The following COL5A2 variants were observed in gnomAD, a reference collection of about 807,000 sequenced individuals.
The protein encoded by COL5A2 is collagen type V alpha 2 chain, also known as collagen alpha-2(V) chain.
In COL5A2, 23 loss-of-function variants were observed where a neutral mutation model predicts 208.2. The ratio of observed to expected loss-of-function variants is 0.11; its 90% CI spans 0.08 to 0.16. The LOEUF (loss-of-function observed/expected upper bound fraction) is 0.16, where lower values mean the gene tolerates loss of function less well. COL5A2 is among the 10% of genes least tolerant of loss of function. COL5A2 has a pLI of 1.00. For missense variants in COL5A2, 1,590 were observed against 1,956.4 expected, an observed-to-expected ratio of 0.81 and a Z score of 3.53; for synonymous variants, 625 against 628.5, an observed-to-expected ratio of 0.99 and a Z score of 0.08.
the COL5A2 span, among the ~76,000 whole-genome samples, chr2:189,434,051 C>A: frequency 6.6e-6 from 1 of 152,134 alleles, no homozygotes; most frequent in Non-Finnish European, 1.5e-5. Flanking sequence ...TAAACTTAAT[C>A]CATCACATAA....
the COL5A2 span, among the ~76,000 whole-genome samples, chr2:189,355,830 T>C: frequency 6.6e-6 from 1 of 152,234 alleles, no homozygotes; most frequent in African/African-American, 2.4e-5. Context: ...TGATGCTAGC[T>C]GGTTACTTTG....
At chr2:189,431,776 G>C in the COL5A2 span, among the ~76,000 whole-genome samples, 1 of 152,176 alleles carries the variant, frequency 6.6e-6, no homozygotes, top group African/African-American at 2.4e-5. Flanking sequence ...GCACTCTTCA[G>C]GATATTATCC....
chr2:189,035,171 G>C lies in COL5A2; in HGVS notation c.4114-16C>G. ...CATAAGCGAACTAGAAAAACAAAGA[G>C]TCTTTGTCATACACAAGACTGAAGG... On this transcript the variant is annotated splice_polypyrimidine_tract_variant and intron_variant, in intron 52 of 53. Transcript: ENST00000374866. 4 of 1,613,680 alleles carry C rather than the reference G, an allele frequency of 2.5e-6. No individual in the cohort carries two copies. The South Asian group carries it at 4.4e-5, about 18-fold the overall frequency.
intron 35 of COL5A2, among the ~76,000 whole-genome samples, chr2:189,056,496 C>T (rs945168352): frequency 1.3e-5 from 2 of 152,116 alleles, no homozygotes; most frequent in African/African-American, 4.8e-5. Context: ...GGACATTCTG[C>T]TTGTTCAAAC....
At chr2:189,322,513 G>C in the COL5A2 span, among the ~76,000 whole-genome samples, 1 of 152,180 alleles carries the variant, frequency 6.6e-6, no homozygotes, top group East Asian at 1.9e-4. Flanking sequence ...CGATCCCACA[G>C]AAATACAAAC....
Position 189,056,970 on chromosome 2 carries a change from T to C in COL5A2, c.2391+3A>G. On this transcript the variant is annotated splice_donor_region_variant and intron_variant, in intron 35 of 53. Transcript: ENST00000374866. ...CAGCTAGAAAAGGAATACTTTCACT[T>C]ACTCTTGCACCATCATTTCCAGCTG... 1 of 1,613,944 alleles carries C rather than the reference T, an allele frequency of 6.2e-7. No homozygotes were observed. Among genetic ancestry groups the C allele is most frequent in the Non-Finnish European group, 8.5e-7 (1 of 1,179,872 alleles).
At chr2:189,130,921 A>G (rs951427219) in intron 1 of COL5A2, among the ~76,000 whole-genome samples, 1 of 152,146 alleles carries the variant, frequency 6.6e-6, no homozygotes, top group Admixed American at 6.5e-5. Flanking sequence ...AACAGACAGA[A>G]AAGATTTAGT....
At chr2:189,244,777 G>A in the COL5A2 span, among the ~76,000 whole-genome samples, 331 of 152,156 alleles carry the variant, frequency 2.2e-3, 1 homozygote, top group African/African-American at 7.2e-3. Context: ...TTTCAGCAGC[G>A]CACCACTCTA....
the COL5A2 span, among the ~76,000 whole-genome samples, chr2:189,244,511 C>T: frequency 4.6e-5 from 7 of 152,184 alleles, no homozygotes; most frequent in African/African-American, 1.7e-4. Context: ...TCTGAGACCA[C>T]CTCAGCCTGG....
At chr2:189,187,692 C>G (rs572978551) in intron 1 of COL5A2, among the ~76,000 whole-genome samples, 1 of 152,058 alleles carries the variant, frequency 6.6e-6, no homozygotes, top group Non-Finnish European at 1.5e-5. Flanking sequence ...TACTATTGGC[C>G]GGGCGCGGTG....
At chr2:189,167,921 C>CT (rs1423336328) in intron 1 of COL5A2, among the ~76,000 whole-genome samples, 2 of 150,388 alleles carry the variant, frequency 1.3e-5, no homozygotes, top group African/African-American at 4.9e-5. Context: ...CCTCAAGTCT[C>CT]TTTTTTCCCA....
the COL5A2 span, among the ~76,000 whole-genome samples, chr2:189,408,097 A>AG: frequency 6.6e-6 from 1 of 152,192 alleles, no homozygotes; most frequent in East Asian, 1.9e-4. Flanking sequence ...TGATTTACAG[A>AG]TCAAAATGAA....
At chr2:189,240,085 T>C in the COL5A2 span, among the ~76,000 whole-genome samples, 1 of 152,184 alleles carries the variant, frequency 6.6e-6, no homozygotes, top group East Asian at 1.9e-4. Context: ...GTCAAGTTAA[T>C]GATATACGTG....
intron 12 of COL5A2, among the ~76,000 whole-genome samples, chr2:189,081,567 C>T (rs1009598263): frequency 6.6e-6 from 1 of 151,920 alleles, no homozygotes; most frequent in South Asian, 2.1e-4. Context: ...ATGGGAAGAA[C>T]AGTATTATAA....
At chr2:189,321,877 C>T in the COL5A2 span, among the ~76,000 whole-genome samples, 1 of 152,328 alleles carries the variant, frequency 6.6e-6, no homozygotes, top group East Asian at 1.9e-4. Context: ...AATATACATT[C>T]TTCTCAGCAC....
chr2:189,066,661 A>T, intron 22 of COL5A2, 68 bp downstream of exon 22: 1 of 1,378,496 alleles, frequency 7.3e-7, no homozygotes, highest in Non-Finnish European at 1.0e-6. Context: ...TAAACCCTTG[A>T]GCATTTTGAG....
the COL5A2 span, among the ~76,000 whole-genome samples, chr2:189,340,151 G>T: frequency 6.6e-6 from 1 of 152,244 alleles, no homozygotes; most frequent in East Asian, 1.9e-4. Flanking sequence ...GGTAAGACTG[G>T]TCTCTTGACA....
At chr2:189,152,995 T>C (rs1019331888) in intron 1 of COL5A2, among the ~76,000 whole-genome samples, 1 of 152,174 alleles carries the variant, frequency 6.6e-6, no homozygotes, top group African/African-American at 2.4e-5. Context: ...TAAAAGGACA[T>C]ATTCAATCAA....
At chr2:189,314,477 C>T in the COL5A2 span, among the ~76,000 whole-genome samples, 1 of 152,070 alleles carries the variant, frequency 6.6e-6, no homozygotes, top group South Asian at 2.1e-4. Flanking sequence ...ATACCCACAT[C>T]AAAAAGTTAG....
Sources: allele counts gnomAD v4.1 joint callset (sites outside exome capture counted in the v4.1 genomes callset), GRCh38; gene constraint gnomAD v4.1.1; transcripts MANE v1.5; gene names NCBI Gene and HGNC (gene_info 2026-07-23, HGNC 2026-07-21).